Variants in SPG7 observed in about 807,000 individuals in gnomAD.
The protein encoded by SPG7 is mitochondrial inner membrane m-AAA protease component paraplegin.
A neutral mutation model predicts 81.9 loss-of-function variants in SPG7; 103 were observed. The observed-to-expected ratio is 1.26, with a 90% confidence interval of 1.07 to 1.48. The LOEUF is 1.48. Among genes scored for constraint, SPG7 ranks in the 40% most tolerant of loss-of-function variants. SPG7 has a pLI of 0.00. For synonymous variants in SPG7, 534 were observed against 444.2 expected (o/e 1.20, Z -2.54); for missense variants, 1,241 against 1,087.3 (o/e 1.14, Z -1.99).
chr16:89,547,026 T>C, intron 11 of SPG7: 1 of 444,672 alleles, frequency 2.2e-6, no homozygotes, highest in Non-Finnish European at 4.2e-6. Context: ...TGGAGTTATG[T>C]TGCTTCCACA....
At chr16:89,536,416 C>T (rs1295777685) in intron 9 of SPG7, among the ~76,000 whole-genome samples, 3 of 151,002 alleles carry the variant, frequency 2.0e-5, no homozygotes, top group Non-Finnish European at 2.9e-5. Flanking sequence ...ATCTGCAGAG[C>T]ACCTTGGGTT....
chr16:89,550,173 CTTTT>C (rs950880370), intron 12 of SPG7: 1 of 359,944 alleles, frequency 2.8e-6, no homozygotes, highest in Non-Finnish European at 5.4e-6. Context: ...CCCCGTCATT[CTTTT>C]TTGTTTGTTT....
intron 7 of SPG7, chr16:89,531,330 C>T (rs1027458978): frequency 9.0e-6 from 2 of 223,022 alleles, no homozygotes; most frequent in East Asian, 1.1e-4. Context: ...GGAGATCAGC[C>T]TGGGCAACAG....
rs1452259575 is a variant in SPG7, at chr16:89,510,593, G to A, written c.286+1G>A. ...CCAGTCAGACTCTGGCAACTTTTAGGTATGTATCTGTTTAAAGAAGCAGCT... is the reference window on the plus strand; with the variant it reads ...CCAGTCAGACTCTGGCAACTTTTAGATATGTATCTGTTTAAAGAAGCAGCT... On this transcript the variant is annotated splice_donor_variant, in intron 2 of 16. Coordinates refer to ENST00000645818, the MANE Select transcript of SPG7 (RefSeq NM_003119.4). LOFTEE classifies it high-confidence loss of function. 3.2e-6 allele frequency: 5 copies of A among 1,580,230 alleles called. No homozygotes were observed. In the Admixed American group the frequency reaches 8.3e-5, roughly 26 times the overall value.
chr16:89,526,257 C>T (rs2058258420), intron 4 of SPG7, 72 bp from the exon 5 acceptor site: 2 of 1,575,098 alleles, frequency 1.3e-6, no homozygotes, highest in Non-Finnish European at 1.7e-6. Flanking sequence ...TCCAGGCGGG[C>T]TCTCTGTTGA....
chr16:89,532,390 C>T (rs1206983754), intron 8 of SPG7, 73 bp from the exon 9 acceptor site: 4 of 1,550,840 alleles, frequency 2.6e-6, no homozygotes, highest in Non-Finnish European at 3.6e-6. Flanking sequence ...AGAACTTTGT[C>T]TGGCCCGGGT....
chr16:89,537,494 C>T, intron 9 of SPG7: 1 of 1,001,146 alleles, frequency 1.0e-6, no homozygotes, highest in East Asian at 1.0e-4. Flanking sequence ...TGACGTGCAG[C>T]CACACACAGA....
intron 9 of SPG7, 104 bp from the exon 10 acceptor site, chr16:89,544,544 A>G: frequency 7.4e-7 from 1 of 1,359,952 alleles, no homozygotes; most frequent in Non-Finnish European, 1.0e-6. Context: ...TCTGGGCCTT[A>G]GGGGGGTCTC....
intron 9 of SPG7, chr16:89,540,766 C>T (rs566082338): frequency 3.5e-5 from 14 of 394,704 alleles, no homozygotes; most frequent in South Asian, 2.1e-4. Flanking sequence ...TGTCCACATG[C>T]GCTCACCACA....
At chr16:89,542,915 TTAC>T (rs1299728395) in intron 9 of SPG7, 1 of 151,094 alleles carries the variant, frequency 6.6e-6, no homozygotes, top group African/African-American at 2.5e-5. Flanking sequence ...GATCCTGCTC[TTAC>T]ATTAGTCATG....
chr16:89,537,487 C>T (rs1186240294), intron 9 of SPG7: 31 of 1,001,496 alleles, frequency 3.1e-5, no homozygotes, highest in South Asian at 4.3e-5. Context: ...CGGCCCCTGA[C>T]GTGCAGCCAC....
At chr16:89,553,185 C>G in intron 14 of SPG7, 50 bp downstream of exon 14, 1 of 1,538,380 alleles carries the variant, frequency 6.5e-7, no homozygotes, top group African/African-American at 1.4e-5. Context: ...CTTTTCCCTG[C>G]ATGACTCCTT....
At position 89,524,207 on chromosome 16, in the gene SPG7, A is replaced by G. The variant is rs114191002; in HGVS notation, c.578A>G (p.Glu193Gly). The G allele has an allele frequency of 9.3e-6, 15 of 1,613,358 alleles. No homozygotes were observed. The East Asian group carries it at 3.1e-4, about 34-fold the overall frequency. Reference protein sequence around the residue: ...VQVVPESDVVEVYLHPGAVVF... With the variant: ...VQVVPESDVVGVYLHPGAVVF... The stretch of plus-strand genomic sequence containing the variant: ...GTGGTGCCTGAGAGCGACGTGGTGG[A>G]AGTCTACCTGCACCCTGGAGCCGTG... The change falls in exon 4 of 17, where the codon GAA (glutamate) becomes GGA (glycine). Residue 193 changes from glutamate to glycine, a missense_variant. Physicochemically the swap from Glu to Gly is moderately conservative, Grantham distance 98. Coordinates refer to ENST00000645818, the MANE Select transcript of SPG7 (RefSeq NM_003119.4).
chr16:89,555,705 T>C, intron 16 of SPG7: 1 of 397,308 alleles, frequency 2.5e-6, no homozygotes, highest in Non-Finnish European at 4.4e-6. Flanking sequence ...GTTGCGATTG[T>C]CTGATGTGTT....
intron 3 of SPG7, among the ~76,000 whole-genome samples, chr16:89,516,520 C>T (rs28887168): frequency 0.048 from 7,307 of 152,070 alleles, 310 homozygotes; most frequent in East Asian, 0.22. Context: ...CATTGCACTT[C>T]AGCCTGGATA....
Position 89,508,725 on chromosome 16 carries a change from G to A in SPG7, c.183+125G>A, listed in dbSNP as rs1228143651. ...GGGGAGCCTGCGCCTGTGGGCCCGCGGATCCCCCAGCTGTGGACCTCGGCG... is the reference window on the plus strand; with the variant it reads ...GGGGAGCCTGCGCCTGTGGGCCCGCAGATCCCCCAGCTGTGGACCTCGGCG... On this transcript the variant is annotated intron_variant, in intron 1 of 16. Coordinates refer to ENST00000645818, the MANE Select transcript of SPG7 (RefSeq NM_003119.4). 3.9e-6 allele frequency: 4 copies of A among 1,024,762 alleles called. No individual in the cohort carries two copies. The South Asian group carries it at 4.1e-5, about 11-fold the overall frequency. 63.5% of individuals were successfully genotyped at this position (1,024,762 alleles called of 1,614,324 possible).
chr16:89,541,317 C>G (rs1366592417), intron 9 of SPG7: 2 of 985,160 alleles, frequency 2.0e-6, no homozygotes, highest in African/African-American at 3.5e-5. Flanking sequence ...AGGAAACTTT[C>G]TTCCTGCAGC....
At position 89,524,628 on chromosome 16, in the gene SPG7, G is replaced by C. The variant is rs561854361; in HGVS notation, c.618+381G>C. Among the ~76,000 whole-genome samples the C allele has an allele frequency of 9.9e-5, 15 of 151,864 alleles. 1 individual carries two copies. In the South Asian group the frequency reaches 3.1e-3, roughly 32 times the overall value. On this transcript the variant is annotated intron_variant, in intron 4 of 16. Coordinates refer to ENST00000645818, the MANE Select transcript of SPG7 (RefSeq NM_003119.4). ...CTGGCTAATTTTTGTAGTTCTAGTAGAGATGGGGTTTCTCCATGTTGGGCA... is the reference window on the plus strand; with the variant it reads ...CTGGCTAATTTTTGTAGTTCTAGTACAGATGGGGTTTCTCCATGTTGGGCA...
At chr16:89,509,174 C>G (rs771691095) in intron 1 of SPG7, among the ~76,000 whole-genome samples, 40 of 152,158 alleles carry the variant, frequency 2.6e-4, no homozygotes, top group Non-Finnish European at 4.9e-4. Flanking sequence ...AAAACCAGAC[C>G]TTGTGTCCTT....
Sources: gnomAD v4.1 joint callset for allele counts (sites outside exome capture counted in the v4.1 genomes callset) on GRCh38, gnomAD v4.1.1 for gene constraint, MANE v1.5 for transcripts, NCBI Gene and HGNC (gene_info 2026-07-23, HGNC 2026-07-21) for gene names.